Variants in GPHN observed in about 807,000 individuals in gnomAD.
GPHN encodes the protein gephyrin.
Under a neutral mutation model 95.5 loss-of-function variants are expected in GPHN, and 17 were observed. The ratio of observed to expected loss-of-function variants is 0.18; its 90% CI spans 0.12 to 0.27. The LOEUF is 0.27. Among genes scored for constraint, GPHN ranks in the 10% least tolerant of loss-of-function variants. GPHN has a pLI of 1.00. For missense variants in GPHN, 660 were observed against 978.1 expected (o/e 0.67, Z 4.34); for synonymous variants, 320 against 322.5 (o/e 0.99, Z 0.08).
At chr14:67,565,487 C>G in the GPHN span, among the ~76,000 whole-genome samples, 1 of 152,100 alleles carries the variant, frequency 6.6e-6, no homozygotes, top group Non-Finnish European at 1.5e-5. Context: ...TCAAGTGATC[C>G]TCCTTTGTCA....
At chr14:67,724,314 AATGTTGTCCTATGAAGGT>A in the GPHN span, among the ~76,000 whole-genome samples, 1 of 152,070 alleles carries the variant, frequency 6.6e-6, no homozygotes, top group Non-Finnish European at 1.5e-5. Context: ...CCCATGGAAA[AATGTTGTCCTATGAAGGT>A]TAGCTTTTAT....
the GPHN span, among the ~76,000 whole-genome samples, chr14:67,259,862 T>C: frequency 2.0e-5 from 3 of 149,052 alleles, no homozygotes; most frequent in African/African-American, 7.5e-5. Flanking sequence ...CAGTGAGCTA[T>C]GATTGTGCTC....
chr14:67,549,690 G>A, the GPHN span, among the ~76,000 whole-genome samples: 1 of 152,216 alleles, frequency 6.6e-6, no homozygotes, highest in South Asian at 2.1e-4. Flanking sequence ...TTGAGAAGGG[G>A]TGCTGATGGG....
chr14:67,408,146 C>T, the GPHN span, among the ~76,000 whole-genome samples: 4 of 151,650 alleles, frequency 2.6e-5, no homozygotes, highest in Admixed American at 6.6e-5. Flanking sequence ...ATTAACCGGG[C>T]GTGGTGGTGC....
intron 1 of GPHN, among the ~76,000 whole-genome samples, chr14:66,588,246 C>T (rs893153487): frequency 6.6e-6 from 1 of 151,862 alleles, no homozygotes; most frequent in Non-Finnish European, 1.5e-5. Flanking sequence ...TCACCAACAT[C>T]AAAGAACAAA....
the GPHN span, among the ~76,000 whole-genome samples, chr14:67,394,342 G>A: frequency 6.6e-6 from 1 of 151,956 alleles, no homozygotes. Flanking sequence ...GCTGCAGTGA[G>A]CCATGATCGA....
chr14:67,500,762 G>A, the GPHN span, among the ~76,000 whole-genome samples: 7 of 151,400 alleles, frequency 4.6e-5, no homozygotes, highest in East Asian at 2.0e-4. Context: ...TACTAGAGAC[G>A]GGGTTTCACC....
At chr14:67,238,168 A>G in the GPHN span, among the ~76,000 whole-genome samples, 1 of 152,036 alleles carries the variant, frequency 6.6e-6, no homozygotes, top group East Asian at 1.9e-4. Flanking sequence ...CAGTTTTTGC[A>G]TATATACCAG....
the GPHN span, chr14:67,577,339 C>A: frequency 1.3e-6 from 2 of 1,583,022 alleles, no homozygotes; most frequent in South Asian, 1.2e-5. Flanking sequence ...TGTGCTACAG[C>A]AAAGACGGCC....
chr14:66,670,752 A>G (rs2066260048), intron 1 of GPHN, among the ~76,000 whole-genome samples: 1 of 152,226 alleles, frequency 6.6e-6, no homozygotes, highest in Non-Finnish European at 1.5e-5. Context: ...AGATCGCACC[A>G]CTGCGTTCTA....
At chr14:67,381,783 T>A in the GPHN span, 1 of 898,608 alleles carries the variant, frequency 1.1e-6, no homozygotes, top group Non-Finnish European at 1.7e-6. Flanking sequence ...TTTAATCACA[T>A]TTCATAACAA....
At chr14:67,545,945 T>TAA in the GPHN span, among the ~76,000 whole-genome samples, 15 of 140,936 alleles carry the variant, frequency 1.1e-4, no homozygotes, top group South Asian at 6.7e-4. Flanking sequence ...GCTCTGCTGC[T>TAA]AAAAAAAAAA....
the GPHN span, among the ~76,000 whole-genome samples, chr14:67,325,979 CTTTTTTTTT>C: frequency 1.8e-5 from 2 of 110,222 alleles, no homozygotes; most frequent in Non-Finnish European, 3.5e-5. Flanking sequence ...CGGCTCTTTT[CTTTTTTTTT>C]TTTTTTTTTT....
At chr14:66,756,419 C>A (rs1176473997) in intron 2 of GPHN, among the ~76,000 whole-genome samples, 1 of 151,974 alleles carries the variant, frequency 6.6e-6, no homozygotes, top group African/African-American at 2.4e-5. Context: ...TAGGCAGGGG[C>A]ACAACTGTGC....
chr14:66,961,900 G>GTATGTATATATA (rs2068929443), intron 8 of GPHN, among the ~76,000 whole-genome samples: 2 of 52,958 alleles, frequency 3.8e-5, no homozygotes, highest in Admixed American at 2.2e-4. Flanking sequence ...CCCTGAATGT[G>GTATGTATATATA]TATATATATA....
At chr14:67,700,908 C>G in the GPHN span, among the ~76,000 whole-genome samples, 2 of 150,224 alleles carry the variant, frequency 1.3e-5, no homozygotes, top group African/African-American at 4.9e-5. Flanking sequence ...GCCTCTAATC[C>G]CAGCTACTCG....
intron 3 of GPHN, among the ~76,000 whole-genome samples, chr14:66,783,827 T>C (rs926242592): frequency 3.9e-5 from 6 of 152,224 alleles, no homozygotes; most frequent in Non-Finnish European, 5.9e-5. Flanking sequence ...GCTTCACTTT[T>C]GCCAGAGTGG....
At chr14:66,650,264 C>T (rs940489461) in intron 1 of GPHN, among the ~76,000 whole-genome samples, 8 of 152,246 alleles carry the variant, frequency 5.3e-5, no homozygotes, top group Non-Finnish European at 7.4e-5. Flanking sequence ...GGAGACTACA[C>T]GCCCTGCATT....
At chr14:67,388,676 T>C in the GPHN span, among the ~76,000 whole-genome samples, 1 of 152,184 alleles carries the variant, frequency 6.6e-6, no homozygotes, top group Non-Finnish European at 1.5e-5. Flanking sequence ...TATATATTTA[T>C]AGTAATCATT....
Sources: gnomAD v4.1 joint callset for allele counts (sites outside exome capture counted in the v4.1 genomes callset) on GRCh38, gnomAD v4.1.1 for gene constraint, MANE v1.5 for transcripts, NCBI Gene and HGNC (gene_info 2026-07-23, HGNC 2026-07-21) for gene names.